MYO9B: variants seen among roughly 807,000 people sequenced by gnomAD.
MYO9B encodes unconventional myosin-IXb.
In MYO9B, 71 loss-of-function variants were observed where a neutral mutation model predicts 229.5. The ratio of observed to expected loss-of-function variants is 0.31; its 90% CI spans 0.26 to 0.38. The LOEUF is 0.38. MYO9B is among the 10% of genes least tolerant of loss of function. The pLI is 1.00. For missense variants in MYO9B, 2,255 were observed against 2,920.5 expected, an observed-to-expected ratio of 0.77 and a Z score of 5.25; for synonymous variants, 1,185 against 1,235.8, an observed-to-expected ratio of 0.96 and a Z score of 0.86.
chr19:17,151,432 T>G (rs2072476230), intron 3 of MYO9B, among the ~76,000 whole-genome samples: 1 of 152,126 alleles, frequency 6.6e-6, no homozygotes, highest in African/African-American at 2.4e-5. Flanking sequence ...AGAAGGTACC[T>G]GCAAATCAGA....
At chr19:17,111,114 CCT>C (rs1599333712) in intron 2 of MYO9B, among the ~76,000 whole-genome samples, 1 of 152,332 alleles carries the variant, frequency 6.6e-6, no homozygotes, top group East Asian at 1.9e-4. Flanking sequence ...GTCCTTTCCC[CCT>C]GAGTCTGTCG....
intron 1 of MYO9B, among the ~76,000 whole-genome samples, chr19:17,097,674 A>C (rs938312415): frequency 6.6e-6 from 1 of 151,904 alleles, no homozygotes; most frequent in African/African-American, 2.4e-5. Context: ...CCTCGGCCTC[A>C]TAAGTTATCG....
chr19:17,106,468 T>C (rs1393260078), intron 2 of MYO9B, among the ~76,000 whole-genome samples: 2 of 152,178 alleles, frequency 1.3e-5, no homozygotes, highest in African/African-American at 4.8e-5. Context: ...GCAACCCAGC[T>C]CTGGTCTCCC....
rs367722284 is a variant in MYO9B at position 17,172,711 on chromosome 19, C to T, written c.1936-48C>T. The T allele has an allele frequency of 1.3e-5, 21 of 1,598,538 alleles. No individual in the cohort carries two copies. The Middle Eastern group carries it at 5.0e-4, about 38-fold the overall frequency. ...CCAGCCCGGGGTCTTTGGTAGGCGC[C>T]GGTGAGTGACTATCCCCGAGTGACC... On this transcript the variant is annotated intron_variant, in intron 12 of 39. Transcript: ENST00000682292. This position sits in a 1 kb window ranked among gnomAD's most constrained non-coding sequence, Gnocchi z 8.2.
At chr19:17,131,900 A>G (rs964946335) in intron 2 of MYO9B, among the ~76,000 whole-genome samples, 2 of 151,568 alleles carry the variant, frequency 1.3e-5, no homozygotes, top group Admixed American at 6.6e-5. Flanking sequence ...TGGGGCGGGG[A>G]ACAGGGTCTC....
chr19:17,105,078 C>T (rs1364668928), intron 2 of MYO9B, among the ~76,000 whole-genome samples: 1 of 152,142 alleles, frequency 6.6e-6, no homozygotes, highest in Admixed American at 6.6e-5. Flanking sequence ...TTGGCAGCCA[C>T]AGCTCTTCTC....
At chr19:17,088,964 C>T (rs1206805346) in intron 1 of MYO9B, among the ~76,000 whole-genome samples, 4 of 152,112 alleles carry the variant, frequency 2.6e-5, no homozygotes, top group Non-Finnish European at 5.9e-5. Context: ...AGGAATAAGC[C>T]ACCACGCCTG....
intron 7 of MYO9B, 100 bp downstream of exon 7, chr19:17,157,138 G>A: frequency 7.0e-7 from 1 of 1,419,006 alleles, no homozygotes; most frequent in Non-Finnish European, 9.4e-7. Context: ...CGTCAGCTGA[G>A]GTTTCATCAA....
chr19:17,169,595 A>G (rs2072698977), intron 11 of MYO9B, among the ~76,000 whole-genome samples: 1 of 151,922 alleles, frequency 6.6e-6, no homozygotes, highest in Admixed American at 6.6e-5. Flanking sequence ...TGGTTCTGGA[A>G]GCTGGAAGTC....
At chr19:17,183,894 G>A (rs1355666662) in intron 16 of MYO9B, 26 bp downstream of exon 16, 14 of 1,548,814 alleles carry the variant, frequency 9.0e-6, no homozygotes, top group South Asian at 3.6e-5. Context: ...CACCCCGCGC[G>A]ACACGTTCCA....
At position 17,212,348 on chromosome 19, in the gene MYO9B, C is replaced by T. The variant is rs775828488; in HGVS notation, c.*38C>T. 9.1e-6 allele frequency: 13 copies of T among 1,432,894 alleles called. No individual in the cohort carries two copies. The East Asian group carries it at 3.1e-4, about 34-fold the overall frequency. The allele number at this position is 1,432,894 out of a possible 1,614,324, so 88.8% of individuals were successfully genotyped here. A position where few individuals can be genotyped will look rare whatever the true frequency, so the allele number is the denominator to read the frequency against. ...ACAAAGTCTGCATGTCCGAGGACGGCCCCTGCACTGGAGCTGGGCGCCAGA... is the reference window on the plus strand; with the variant it reads ...ACAAAGTCTGCATGTCCGAGGACGGTCCCTGCACTGGAGCTGGGCGCCAGA... On this transcript the variant is annotated 3_prime_UTR_variant, in exon 40 of 40. Transcript: ENST00000682292. This position sits in a 1 kb window ranked among gnomAD's most constrained non-coding sequence, Gnocchi z 5.4.
intron 2 of MYO9B, among the ~76,000 whole-genome samples, chr19:17,139,343 C>T (rs2145207011): frequency 6.6e-6 from 1 of 151,988 alleles, no homozygotes; most frequent in East Asian, 1.9e-4. Context: ...TAGCACTTTG[C>T]AAGGCCTAGG....
chr19:17,158,345 G>A (rs759983831), intron 7 of MYO9B, among the ~76,000 whole-genome samples: 18 of 152,172 alleles, frequency 1.2e-4, no homozygotes, highest in Non-Finnish European at 2.5e-4. Flanking sequence ...GCTGAGGCAG[G>A]TGGATCGTCT....
At chr19:17,170,647 CAAAAAAAAAAAAA>C (rs55894910) in intron 11 of MYO9B, among the ~76,000 whole-genome samples, 6 of 88,866 alleles carry the variant, frequency 6.8e-5, no homozygotes, top group Non-Finnish European at 1.1e-4. Flanking sequence ...CCCATCTCTA[CAAAAAAAAAAAAA>C]AAAAAAAAAA....
intron 2 of MYO9B, among the ~76,000 whole-genome samples, chr19:17,120,629 A>C (rs1158557853): frequency 2.3e-5 from 3 of 127,918 alleles, no homozygotes; most frequent in African/African-American, 6.0e-5. Context: ...ACAGAGCAAG[A>C]CTCTGTCTCA....
Position 17,162,343 on chromosome 19 carries a change from T to C in MYO9B, c.1420-7T>C. The C allele has an allele frequency of 6.4e-7, 1 of 1,562,360 alleles. No individual in the cohort carries two copies. Among genetic ancestry groups the C allele is most frequent in the Non-Finnish European group, 8.7e-7 (1 of 1,155,240 alleles). On this transcript the variant is annotated splice_region_variant and splice_polypyrimidine_tract_variant and intron_variant, in intron 8 of 39. Coordinates refer to ENST00000682292, the MANE Select transcript of MYO9B (RefSeq NM_004145.4). ...CCGGAGGTGAGTCACCCCCTCTGTGTCCACAGGCCATCACTGCCCGCGACT... is the reference window on the plus strand; with the variant it reads ...CCGGAGGTGAGTCACCCCCTCTGTGCCCACAGGCCATCACTGCCCGCGACT...
At chr19:17,142,120 A>T (rs145048555) in intron 2 of MYO9B, among the ~76,000 whole-genome samples, 2 of 151,454 alleles carry the variant, frequency 1.3e-5, no homozygotes, top group Non-Finnish European at 2.9e-5. Context: ...CGAGGCTTGC[A>T]GTGAGCTATG....
rs1486318760 is a variant in MYO9B, at chr19:17,096,709, T to TG, written c.-58-4951_-58-4950insG. On this transcript the variant is annotated intron_variant, in intron 1 of 39. Coordinates refer to ENST00000682292, the MANE Select transcript of MYO9B (RefSeq NM_004145.4). ...GTTGTTGTTGTTGTTGTTGTTGGTT[T>TG]TTTTTTTTTTTTTGGAGACGGAGTC... 5.8e-3 allele frequency among the ~76,000 whole-genome samples: 833 copies of TG among 142,940 alleles called. 2 individuals carry two copies. The highest frequency in any genetic ancestry group is 1.0e-2 in the Non-Finnish European group (647 of 64,838). The allele number at this position is 142,940 out of a possible 152,430, so 93.8% of individuals were successfully genotyped here.
At chr19:17,113,541 C>T (rs2057869337) in intron 2 of MYO9B, among the ~76,000 whole-genome samples, 1 of 152,124 alleles carries the variant, frequency 6.6e-6, no homozygotes, top group African/African-American at 2.4e-5. Context: ...GTCACCCATC[C>T]ACACAGGCAG....
Sources: gnomAD v4.1 joint callset for allele counts (sites outside exome capture counted in the v4.1 genomes callset) on GRCh38, gnomAD v4.1.1 for gene constraint, Gnocchi (gnomAD v3.1) non-coding constraint, MANE v1.5 for transcripts, NCBI Gene and HGNC (gene_info 2026-07-23, HGNC 2026-07-21) for gene names.